PCSK2: variants seen among roughly 807,000 people sequenced by gnomAD.
PCSK2 encodes proprotein convertase subtilisin/kexin type 2.
In PCSK2, 14 loss-of-function variants were observed where a neutral mutation model predicts 69.7. The ratio of observed to expected loss-of-function variants is 0.20; its 90% CI spans 0.13 to 0.31. The LOEUF (loss-of-function observed/expected upper bound fraction) is 0.31. Ranked by LOEUF, PCSK2 falls within the 10% of genes least tolerant of loss-of-function variation. The pLI, the probability that PCSK2 is intolerant of heterozygous loss-of-function variation, is 1.00. For missense variants in PCSK2, 544 were observed against 842.5 expected, an observed-to-expected ratio of 0.65 and a Z score of 4.39; for synonymous variants, 307 against 320.7, an observed-to-expected ratio of 0.96 and a Z score of 0.46.
intron 2 of PCSK2, among the ~76,000 whole-genome samples, chr20:17,286,915 G>T (rs904163008): frequency 5.3e-5 from 8 of 152,244 alleles, no homozygotes; most frequent in African/African-American, 1.7e-4. Context: ...TTATTTTAAG[G>T]AATTGGCTTA....
chr20:17,405,034 A>G (rs1247252096), intron 5 of PCSK2, among the ~76,000 whole-genome samples: 5 of 152,240 alleles, frequency 3.3e-5, no homozygotes, highest in African/African-American at 1.2e-4. Flanking sequence ...GAAAGAGGAC[A>G]CAACAGGAGA....
At chr20:17,430,722 A>G (rs2032346338) in intron 7 of PCSK2, among the ~76,000 whole-genome samples, 1 of 152,226 alleles carries the variant, frequency 6.6e-6, no homozygotes, top group Non-Finnish European at 1.5e-5. Flanking sequence ...CACTCGGTTA[A>G]TATTTTATAA....
chr20:17,435,958 C>T (rs2032476867), intron 7 of PCSK2, among the ~76,000 whole-genome samples: 1 of 152,148 alleles, frequency 6.6e-6, no homozygotes, highest in Non-Finnish European at 1.5e-5. Context: ...CACCCTGTGC[C>T]CCTGTGTCTT....
At chr20:17,423,363 T>C (rs2032173662) in intron 6 of PCSK2, among the ~76,000 whole-genome samples, 1 of 152,154 alleles carries the variant, frequency 6.6e-6, no homozygotes, top group Non-Finnish European at 1.5e-5. Flanking sequence ...GAAAGGTGTG[T>C]CTGGGTTAAG....
chr20:17,263,200 A>T, intron 2 of PCSK2: 1 of 875,764 alleles, frequency 1.1e-6, no homozygotes, highest in African/African-American at 1.8e-5. Context: ...AATTTCAATG[A>T]TGTTTGCCTC....
At chr20:17,269,721 C>G (rs913733754) in intron 2 of PCSK2, among the ~76,000 whole-genome samples, 1 of 152,092 alleles carries the variant, frequency 6.6e-6, no homozygotes, top group Non-Finnish European at 1.5e-5. Context: ...AGAGCCAAGA[C>G]CGCGTTCTGC....
intron 6 of PCSK2, among the ~76,000 whole-genome samples, chr20:17,416,571 G>T (rs1209022192): frequency 2.0e-5 from 3 of 149,532 alleles, no homozygotes; most frequent in East Asian, 3.9e-4. Context: ...TGCACTGTTG[G>T]TGGGAGTGTA....
intron 2 of PCSK2, among the ~76,000 whole-genome samples, chr20:17,288,412 A>G (rs1294864652): frequency 5.9e-5 from 9 of 152,140 alleles, no homozygotes; most frequent in Admixed American, 5.9e-4. Flanking sequence ...GGGTGCAAAG[A>G]CAGCTCTGGA....
chr20:17,353,295 C>CA (rs34049224), intron 2 of PCSK2, among the ~76,000 whole-genome samples: 97,945 of 150,294 alleles, frequency 0.65, 32,154 homozygotes, highest in Admixed American at 0.7. Context: ...ACCCTGTCTC[C>CA]AAAAAAAATA....
chr20:17,230,641 T>C (rs966791114), intron 1 of PCSK2, among the ~76,000 whole-genome samples: 1 of 152,206 alleles, frequency 6.6e-6, no homozygotes, highest in East Asian at 1.9e-4. Flanking sequence ...CACATGAACA[T>C]GTCATTAGCT....
intron 5 of PCSK2, among the ~76,000 whole-genome samples, chr20:17,377,086 A>G (rs891746154): frequency 6.6e-6 from 1 of 152,204 alleles, no homozygotes; most frequent in African/African-American, 2.4e-5. Flanking sequence ...AAGCCTGGAG[A>G]GAATACGATT....
At chr20:17,459,063 GAAC>G (rs772874324) in intron 10 of PCSK2, among the ~76,000 whole-genome samples, 6 of 152,110 alleles carry the variant, frequency 3.9e-5, no homozygotes, top group Non-Finnish European at 7.3e-5. Context: ...TGCTGGACTG[GAAC>G]AACATTTCCA....
intron 2 of PCSK2, among the ~76,000 whole-genome samples, chr20:17,278,244 CAT>C (rs1988167254): frequency 1.3e-5 from 2 of 152,196 alleles, no homozygotes; most frequent in African/African-American, 2.4e-5. Flanking sequence ...GACTATAAAT[CAT>C]ACTGCTGTAA....
chr20:17,261,943 T>C (rs1334220131), intron 2 of PCSK2, among the ~76,000 whole-genome samples: 1 of 152,192 alleles, frequency 6.6e-6, no homozygotes, highest in East Asian at 1.9e-4. Context: ...GGGGGCAGAA[T>C]GAAAGAGACA....
At chr20:17,380,537 T>C (rs1439569084) in intron 5 of PCSK2, among the ~76,000 whole-genome samples, 2 of 152,188 alleles carry the variant, frequency 1.3e-5, no homozygotes, top group East Asian at 3.8e-4. Flanking sequence ...AATTTCCTCA[T>C]CTGTAAAATG....
chr20:17,278,438 G>A lies in PCSK2; in HGVS notation c.282+18094G>A, dbSNP rs532496221. Reference sequence around the variant, plus strand: ...CTTTGTGGGGACATGGATGAAGCTGGAAACCATCATTCTCAGCAAACTATT... The same window carrying A: ...CTTTGTGGGGACATGGATGAAGCTGAAAACCATCATTCTCAGCAAACTATT... On this transcript the variant is annotated intron_variant, in intron 2 of 11. Coordinates refer to ENST00000262545, the MANE Select transcript of PCSK2 (RefSeq NM_002594.5). Among the ~76,000 whole-genome samples, 3 of 152,246 alleles carry A rather than the reference G, an allele frequency of 2.0e-5. No homozygotes were observed. The South Asian group carries it at 6.2e-4, about 32-fold the overall frequency.
At chr20:17,409,833 TG>T (rs1378492255) in intron 6 of PCSK2, among the ~76,000 whole-genome samples, 1 of 152,206 alleles carries the variant, frequency 6.6e-6, no homozygotes, top group Non-Finnish European at 1.5e-5. Context: ...AAAGATCCTA[TG>T]ATGTCAAACT....
chr20:17,443,099 A>T (rs2032630638), intron 8 of PCSK2, among the ~76,000 whole-genome samples: 2 of 152,202 alleles, frequency 1.3e-5, no homozygotes, highest in South Asian at 4.1e-4. Flanking sequence ...CACCACTTTT[A>T]CATTAAATAC....
At chr20:17,375,900 C>T (rs1186585422) in intron 5 of PCSK2, among the ~76,000 whole-genome samples, 1 of 152,224 alleles carries the variant, frequency 6.6e-6, no homozygotes, top group East Asian at 1.9e-4. Context: ...TGTAGAATCT[C>T]CCTTTAAAGA....
Sources: gnomAD v4.1 joint callset for allele counts (sites outside exome capture counted in the v4.1 genomes callset) on GRCh38, gnomAD v4.1.1 for gene constraint, MANE v1.5 for transcripts, NCBI Gene and HGNC (gene_info 2026-07-23, HGNC 2026-07-21) for gene names.